SCAPER: variants seen among roughly 807,000 people sequenced by gnomAD.
SCAPER encodes the protein S-phase cyclin A associated protein in the ER, also known as S phase cyclin A-associated protein in the endoplasmic reticulum.
A neutral mutation model predicts 182.2 loss-of-function variants in SCAPER; 98 were observed. The ratio of observed to expected loss-of-function variants is 0.54; its 90% CI spans 0.46 to 0.64. The LOEUF (loss-of-function observed/expected upper bound fraction) is 0.64. Ranked by LOEUF, SCAPER falls within the 30% of genes least tolerant of loss-of-function variation. The pLI, the probability that SCAPER is intolerant of heterozygous loss-of-function variation, is 0.00. For missense variants in SCAPER, 1,432 were observed against 1,690.0 expected (o/e 0.85, Z 2.68); for synonymous variants, 605 against 564.6 (o/e 1.07, Z -1.01).
At chr15:76,804,443 CT>C in intron 6 of SCAPER, 89 bp downstream of exon 6, 2 of 762,798 alleles carry the variant, frequency 2.6e-6, no homozygotes, top group Non-Finnish European at 4.1e-6. Context: ...CAAGTTTCAA[CT>C]CAATATGAGG....
At chr15:76,597,609 A>G (rs1484191912) in intron 22 of SCAPER, among the ~76,000 whole-genome samples, 3 of 121,074 alleles carry the variant, frequency 2.5e-5, no homozygotes, top group South Asian at 2.6e-4. Flanking sequence ...AGATATATAG[A>G]CCAACAGAAC....
chr15:76,454,135 A>C (rs2048560465), intron 25 of SCAPER, among the ~76,000 whole-genome samples: 1 of 151,586 alleles, frequency 6.6e-6, no homozygotes, highest in Non-Finnish European at 1.5e-5. Flanking sequence ...CCTTCCTTTC[A>C]CTTGGGTTAT....
At chr15:76,627,791 C>T (rs1274928493) in intron 21 of SCAPER, among the ~76,000 whole-genome samples, 1 of 151,956 alleles carries the variant, frequency 6.6e-6, no homozygotes, top group Non-Finnish European at 1.5e-5. Context: ...ATTTTTATTC[C>T]TTTGGGTATA....
At chr15:76,442,434 T>A (rs1272092212) in intron 25 of SCAPER, among the ~76,000 whole-genome samples, 3 of 152,224 alleles carry the variant, frequency 2.0e-5, no homozygotes, top group Non-Finnish European at 4.4e-5. Flanking sequence ...TTTAGAGGCA[T>A]TTACATAGCA....
At position 76,793,556 on chromosome 15, in the gene SCAPER, G is replaced by T. The variant is rs1024919606; in HGVS notation, c.772+1724C>A. On this transcript the variant is annotated intron_variant, in intron 8 of 31. Transcript: ENST00000563290. ...CTATAAAAACCTTTTTTAAAAACAG[G>T]GTTAGGGAATGTCTGGATAGCTGAA... 2.0e-5 allele frequency among the ~76,000 whole-genome samples: 3 copies of T among 152,182 alleles called. No homozygotes were observed. In the East Asian group the frequency reaches 5.8e-4, roughly 29 times the overall value.
chr15:76,504,491 T>C (rs892106620), intron 24 of SCAPER, among the ~76,000 whole-genome samples: 11 of 152,224 alleles, frequency 7.2e-5, no homozygotes, highest in Non-Finnish European at 1.3e-4. Flanking sequence ...GCTCAGACTT[T>C]TGCTAATGTA....
intron 14 of SCAPER, among the ~76,000 whole-genome samples, chr15:76,764,142 T>C (rs1010512203): frequency 3.9e-5 from 6 of 152,248 alleles, no homozygotes; most frequent in Non-Finnish European, 4.4e-5. Flanking sequence ...CAATGACTTG[T>C]GGGGAATGCA....
At chr15:76,888,133 C>T (rs527268846) in intron 1 of SCAPER, among the ~76,000 whole-genome samples, 1 of 152,244 alleles carries the variant, frequency 6.6e-6, no homozygotes, top group Non-Finnish European at 1.5e-5. Flanking sequence ...ATAGCATCAA[C>T]ATCAACCAAA....
chr15:76,897,702 CGAAAA>C (rs2074515556), intron 1 of SCAPER, among the ~76,000 whole-genome samples: 1 of 151,496 alleles, frequency 6.6e-6, no homozygotes, highest in African/African-American at 2.4e-5. Flanking sequence ...GACTCTATCT[CGAAAA>C]AAAAGAAAAA....
chr15:76,847,934 T>A (rs2070285858), intron 4 of SCAPER, among the ~76,000 whole-genome samples: 1 of 152,176 alleles, frequency 6.6e-6, no homozygotes, highest in Admixed American at 6.5e-5. Flanking sequence ...AAACATTTTT[T>A]AATTAAAATT....
chr15:76,479,473 C>A (rs530518245), intron 24 of SCAPER, among the ~76,000 whole-genome samples: 3 of 152,258 alleles, frequency 2.0e-5, no homozygotes, highest in African/African-American at 7.2e-5. Flanking sequence ...TAAAGGCTTT[C>A]TGCTCCAAAA....
chr15:76,420,375 G>T (rs2142329787), intron 26 of SCAPER, among the ~76,000 whole-genome samples: 1 of 151,306 alleles, frequency 6.6e-6, no homozygotes, highest in South Asian at 2.1e-4. Flanking sequence ...ACTATGCCTG[G>T]CACATGATCT....
chr15:76,633,251 A>G (rs2053296295), intron 21 of SCAPER, among the ~76,000 whole-genome samples: 1 of 152,100 alleles, frequency 6.6e-6, no homozygotes, highest in Non-Finnish European at 1.5e-5. Context: ...TCCTGGAATT[A>G]TCACCAGTGG....
At chr15:76,705,124 T>C (rs1443306718) in intron 18 of SCAPER, among the ~76,000 whole-genome samples, 2 of 151,958 alleles carry the variant, frequency 1.3e-5, no homozygotes, top group Non-Finnish European at 2.9e-5. Context: ...CTATTCACAA[T>C]AGCAAAGACT....
chr15:76,442,459 G>C (rs1222407901), intron 25 of SCAPER, among the ~76,000 whole-genome samples: 1 of 152,136 alleles, frequency 6.6e-6, no homozygotes, highest in Non-Finnish European at 1.5e-5. Context: ...TGGTGTGTTG[G>C]GAGCACTGTC....
At chr15:76,443,022 A>T (rs1478405373) in intron 25 of SCAPER, among the ~76,000 whole-genome samples, 1 of 152,200 alleles carries the variant, frequency 6.6e-6, no homozygotes, top group Non-Finnish European at 1.5e-5. Context: ...ATAAACAGCG[A>T]AAGTTGGGGT....
intron 24 of SCAPER, among the ~76,000 whole-genome samples, chr15:76,480,247 A>G (rs1163934337): frequency 1.3e-5 from 2 of 152,256 alleles, no homozygotes; most frequent in African/African-American, 4.8e-5. Flanking sequence ...AGGATTTAAT[A>G]AATAGCATAC....
At chr15:76,678,090 C>A (rs553568242) in intron 20 of SCAPER, among the ~76,000 whole-genome samples, 1 of 151,630 alleles carries the variant, frequency 6.6e-6, no homozygotes, top group Non-Finnish European at 1.5e-5. Flanking sequence ...TTAGAATATT[C>A]AAAGATACTT....
At chr15:76,811,927 C>T (rs2066657734) in intron 5 of SCAPER, among the ~76,000 whole-genome samples, 2 of 151,810 alleles carry the variant, frequency 1.3e-5, no homozygotes, top group African/African-American at 4.8e-5. Flanking sequence ...CCTAACTTTA[C>T]AACTCAAGAA....
Sources: allele counts gnomAD v4.1 joint callset (sites outside exome capture counted in the v4.1 genomes callset), GRCh38; gene constraint gnomAD v4.1.1; transcripts MANE v1.5; gene names NCBI Gene and HGNC (gene_info 2026-07-23, HGNC 2026-07-21).